JAK2: variants seen among roughly 807,000 people sequenced by gnomAD.
JAK2 encodes the protein tyrosine-protein kinase JAK2.
Under a neutral mutation model 139.3 loss-of-function variants are expected in JAK2, and 86 were observed. The observed-to-expected ratio is 0.62, with a 90% CI of 0.52 to 0.74. JAK2 has a LOEUF of 0.74. Ranked by LOEUF, JAK2 falls within the 30% of genes least tolerant of loss-of-function variation. The probability of loss-of-function intolerance (pLI) is 0.00; values close to 1 mark genes in which losing one functional copy is unlikely to be tolerated. For missense variants in JAK2, 1,421 were observed against 1,360.3 expected (o/e 1.04, Z -0.70); for synonymous variants, 490 against 437.7 (o/e 1.12, Z -1.49).
chr9:4,995,084 CAT>C (rs1216116043), intron 2 of JAK2, among the ~76,000 whole-genome samples: 1 of 152,152 alleles, frequency 6.6e-6, no homozygotes, highest in Non-Finnish European at 1.5e-5. Flanking sequence ...CCTTTACTAA[CAT>C]TGTGTTTTCA....
intron 22 of JAK2, chr9:5,096,632 T>G (rs947713346): frequency 6.6e-6 from 1 of 152,220 alleles, no homozygotes; most frequent in Non-Finnish European, 1.5e-5. Flanking sequence ...TACAGTCCAA[T>G]GCTTACTCAG....
chr9:5,069,061 A>G lies in JAK2; in HGVS notation c.1366A>G (p.Lys456Glu). ...TGAATATAAACACTGTTTGATTACA[A>G]AAAATGAGAATGAAGAGTACAACCT... ...VIEYKHCLIT[K>E]NENEEYNLSG... The change falls in exon 11 of 25, where the codon AAA becomes GAA. Residue 456 changes from lysine (K) to glutamate (E), a missense_variant. Lys to Glu is a moderately conservative substitution (Grantham distance 56). Coordinates refer to ENST00000381652, the MANE Select transcript of JAK2 (RefSeq NM_004972.4). 1 of 1,603,328 alleles carries G rather than the reference A, an allele frequency of 6.2e-7. No homozygotes were observed. The highest frequency in any genetic ancestry group is 8.5e-7 in the Non-Finnish European group (1 of 1,175,408).
At chr9:5,113,128 C>G (rs926832863) in intron 22 of JAK2, among the ~76,000 whole-genome samples, 5 of 151,660 alleles carry the variant, frequency 3.3e-5, no homozygotes, top group African/African-American at 1.2e-4. Context: ...ACCATGTCAC[C>G]CTGTGACCTG....
chr9:5,112,506 C>A, intron 22 of JAK2: 1 of 564,468 alleles, frequency 1.8e-6, no homozygotes, highest in Non-Finnish European at 3.2e-6. Context: ...AGGAAGATGA[C>A]CTTTTCCCCC....
rs373778929 is a variant in JAK2 at position 5,129,581 on chromosome 9, C to A, written c.*2790C>A. Among the ~76,000 whole-genome samples the A allele has an allele frequency of 6.6e-6, 1 of 151,942 alleles. No homozygotes were observed. The highest frequency in any genetic ancestry group is 1.5e-5 in the Non-Finnish European group (1 of 67,944). On this transcript the variant is annotated 3_prime_UTR_variant, in exon 25 of 25. Transcript: ENST00000381652. ...AGAATAAATAGTAACAGTAAGTCAG[C>A]AGGATTATCCAAACAAAAGACTAGG...
chr9:5,072,964 CAAAA>C (rs1282217133), intron 13 of JAK2, among the ~76,000 whole-genome samples: 4 of 150,532 alleles, frequency 2.7e-5, no homozygotes, highest in Admixed American at 2.0e-4. Context: ...GAAAAAAAAA[CAAAA>C]AACCAAGTTT....
At position 5,065,011 on chromosome 9, in the gene JAK2, T is replaced by C; in HGVS notation, c.1185T>C (p.Asn395=). Reference sequence around the variant, plus strand: ...TAGCACCTCCAGCCGTGCTTGAAAATATACAAAGCAACTGTCATGGCCCAA... The same window carrying C: ...TAGCACCTCCAGCCGTGCTTGAAAACATACAAAGCAACTGTCATGGCCCAA... ...KEVAPPAVLE[N]IQSNCHGPIS... is the part of the protein sequence containing the mutation. Residue 395 remains asparagine, a synonymous_variant, in exon 9 of 25, where the codon AAT becomes AAC. Coordinates refer to ENST00000381652, the MANE Select transcript of JAK2 (RefSeq NM_004972.4). The C allele has an allele frequency of 1.2e-6, 2 of 1,602,776 alleles. No homozygotes were observed. The highest frequency in any genetic ancestry group is 2.3e-5 in the East Asian group (1 of 44,404).
intron 4 of JAK2, among the ~76,000 whole-genome samples, chr9:5,033,403 C>G (rs964498585): frequency 1.3e-5 from 2 of 152,154 alleles, no homozygotes; most frequent in African/African-American, 4.8e-5. Flanking sequence ...CACAAAGATA[C>G]TCCTTGAGAA....
intron 2 of JAK2, among the ~76,000 whole-genome samples, chr9:5,019,315 G>A (rs895878645): frequency 2.6e-5 from 4 of 152,092 alleles, no homozygotes; most frequent in East Asian, 1.9e-4. Flanking sequence ...TTCTTTCTTC[G>A]TAGATGCTCT....
At chr9:5,079,316 G>C (rs1353724733) in intron 16 of JAK2, among the ~76,000 whole-genome samples, 1 of 152,226 alleles carries the variant, frequency 6.6e-6, no homozygotes, top group African/African-American at 2.4e-5. Flanking sequence ...ATACCAGAAA[G>C]TAGGGTTATA....
chr9:5,102,943 C>A (rs954740312), intron 22 of JAK2, among the ~76,000 whole-genome samples: 1 of 151,954 alleles, frequency 6.6e-6, no homozygotes, highest in Admixed American at 6.5e-5. Flanking sequence ...CAAAAACATA[C>A]CAAATTGTAA....
At chr9:5,080,763 C>T (rs2130610372) in intron 18 of JAK2, 80 bp downstream of exon 18, 1 of 1,099,172 alleles carries the variant, frequency 9.1e-7, no homozygotes, top group Admixed American at 2.8e-5. Context: ...ATTTTTAATT[C>T]CTTTAAAACA....
At position 5,022,154 on chromosome 9, in the gene JAK2, C is replaced by A; in HGVS notation, c.167C>A (p.Thr56Asn). 6.2e-7 allele frequency: 1 copy of A among 1,614,136 alleles called. No individual in the cohort carries two copies. Among genetic ancestry groups the A allele is most frequent in the South Asian group, 1.1e-5 (1 of 91,088 alleles). ...SLGKSEADYLTFPSGEYVAEE... is the reference protein window; with the variant it reads ...SLGKSEADYLNFPSGEYVAEE... ...GGGAAATCTGAGGCAGATTATCTGA[C>A]CTTTCCATCTGGGGAGTATGTTGCA... Residue 56 changes from threonine to asparagine, a missense_variant, in exon 3 of 25, where the codon ACC becomes AAC. Physicochemically the swap from Thr to Asn is moderately conservative, Grantham distance 65 (BLOSUM62 0). Coordinates refer to ENST00000381652, the MANE Select transcript of JAK2 (RefSeq NM_004972.4).
chr9:5,025,679 C>T (rs561768139), intron 3 of JAK2, among the ~76,000 whole-genome samples: 3 of 151,906 alleles, frequency 2.0e-5, no homozygotes, highest in South Asian at 2.1e-4. Context: ...ACTACAGGCA[C>T]CCACCACCAC....
At chr9:5,066,149 C>T (rs1468555845) in intron 9 of JAK2, among the ~76,000 whole-genome samples, 1 of 151,992 alleles carries the variant, frequency 6.6e-6, no homozygotes, top group African/African-American at 2.4e-5. Context: ...TTATATTTTG[C>T]TTTTCTTTCA....
chr9:5,005,325 G>C (rs1821225385), intron 2 of JAK2, among the ~76,000 whole-genome samples: 1 of 151,530 alleles, frequency 6.6e-6, no homozygotes, highest in Non-Finnish European at 1.5e-5. Context: ...TCTTGCTTTT[G>C]AGTTGTTTGC....
chr9:4,990,338 G>T (rs549088870), intron 2 of JAK2, among the ~76,000 whole-genome samples: 1 of 152,162 alleles, frequency 6.6e-6, no homozygotes, highest in Non-Finnish European at 1.5e-5. Context: ...AGAAACTGCC[G>T]TTTGATTAAT....
At chr9:5,011,229 C>G (rs2129959281) in intron 2 of JAK2, among the ~76,000 whole-genome samples, 1 of 146,940 alleles carries the variant, frequency 6.8e-6, no homozygotes, top group South Asian at 2.1e-4. Context: ...GACTTTGTTA[C>G]TCTTGTTGTT....
intron 2 of JAK2, among the ~76,000 whole-genome samples, chr9:5,009,001 T>G (rs1821507533): frequency 6.6e-6 from 1 of 152,230 alleles, no homozygotes; most frequent in African/African-American, 2.4e-5. Flanking sequence ...TTGAGTCGTA[T>G]TATTCAACTC....
Sources: allele counts gnomAD v4.1 joint callset (sites outside exome capture counted in the v4.1 genomes callset), GRCh38; gene constraint gnomAD v4.1.1; transcripts MANE v1.5; gene names NCBI Gene and HGNC (gene_info 2026-07-23, HGNC 2026-07-21).